RMDN2: variants seen among roughly 807,000 people sequenced by gnomAD.
RMDN2 encodes the protein regulator of microtubule dynamics protein 2.
RMDN2 carries 61 observed loss-of-function variants against 52.8 expected under a neutral mutation model. That is an observed-to-expected ratio of 1.16 (90% CI 0.94 to 1.43). RMDN2 has a LOEUF of 1.43. Ranked by LOEUF, RMDN2 falls within the 40% of genes most tolerant of loss-of-function variation. The probability of loss-of-function intolerance (pLI) is 0.00; values close to 1 mark genes in which losing one functional copy is unlikely to be tolerated. For synonymous variants in RMDN2, 180 were observed against 153.1 expected (o/e 1.18, Z -1.30); for missense variants, 592 against 475.3 (o/e 1.25, Z -2.28).
intron 10 of RMDN2, chr2:38,032,857 A>T (rs780943156): frequency 6.6e-6 from 1 of 152,226 alleles, no homozygotes; most frequent in African/African-American, 2.4e-5. Flanking sequence ...TAAAAAAAAA[A>T]ATCACATATA....
intron 10 of RMDN2, among the ~76,000 whole-genome samples, chr2:38,010,172 G>T (rs1677749399): frequency 6.6e-6 from 1 of 152,202 alleles, no homozygotes; most frequent in African/African-American, 2.4e-5. Context: ...ACCCACTTGA[G>T]GAGGCAGTCT....
Position 38,017,388 on chromosome 2 carries a change from C to G in RMDN2, c.*149C>G. The G allele has an allele frequency of 1.2e-5, 17 of 1,371,256 alleles. No individual in the cohort carries two copies. The highest frequency in any genetic ancestry group is 1.6e-5 in the Non-Finnish European group (17 of 1,051,926). The allele number at this position is 1,371,256 out of a possible 1,614,324, so 84.9% of individuals were successfully genotyped here. On this transcript the variant is annotated 3_prime_UTR_variant, in exon 11 of 11. Transcript: ENST00000354545. ...CCATGTTTCTGCAGAATGCATTCCA[C>G]TAGTAGCACTACAAAATTAATTATG...
chr2:37,939,237 T>C (rs1186807022), intron 2 of RMDN2, among the ~76,000 whole-genome samples: 1 of 152,246 alleles, frequency 6.6e-6, no homozygotes, highest in African/African-American at 2.4e-5. Flanking sequence ...AGTTCTAGTT[T>C]GATTCCACTG....
chr2:37,968,259 G>T (rs1019942487), intron 2 of RMDN2, among the ~76,000 whole-genome samples: 2 of 151,886 alleles, frequency 1.3e-5, no homozygotes, highest in African/African-American at 4.8e-5. Flanking sequence ...TGGCCAACAT[G>T]GTGAAACCTG....
At chr2:38,032,281 C>A (rs577111098) in intron 10 of RMDN2, among the ~76,000 whole-genome samples, 2 of 152,292 alleles carry the variant, frequency 1.3e-5, no homozygotes, top group Non-Finnish European at 2.9e-5. Context: ...CAGCCTCAGG[C>A]AACCACACAT....
chr2:38,050,370 C>A (rs568542295), intron 10 of RMDN2, among the ~76,000 whole-genome samples: 1 of 151,662 alleles, frequency 6.6e-6, no homozygotes, highest in Non-Finnish European at 1.5e-5. Flanking sequence ...AAAAAAAAAA[C>A]CTTCCCTGAC....
At chr2:37,993,071 C>A (rs796483945) in intron 7 of RMDN2, among the ~76,000 whole-genome samples, 1 of 152,082 alleles carries the variant, frequency 6.6e-6, no homozygotes, top group African/African-American at 2.4e-5. Flanking sequence ...TGTGCCACCA[C>A]GCTCGGGTAT....
chr2:37,998,562 A>G (rs750008131), intron 8 of RMDN2, among the ~76,000 whole-genome samples: 13 of 152,118 alleles, frequency 8.5e-5, no homozygotes, highest in Non-Finnish European at 1.5e-5. Flanking sequence ...ACATGCTAAT[A>G]TTTGTGCTGT....
downstream of RMDN2, among the ~76,000 whole-genome samples, chr2:38,018,889 C>T (rs531614464): frequency 6.6e-5 from 10 of 152,244 alleles, no homozygotes; most frequent in South Asian, 2.1e-4. Flanking sequence ...TGCACGCACA[C>T]GCACACACGC....
chr2:38,038,282 G>A (rs1173958679), intron 10 of RMDN2, among the ~76,000 whole-genome samples: 1 of 152,166 alleles, frequency 6.6e-6, no homozygotes, highest in Non-Finnish European at 1.5e-5. Flanking sequence ...ACGCGTTCAA[G>A]CGAGGGCGGA....
intron 10 of RMDN2, among the ~76,000 whole-genome samples, chr2:38,037,874 C>T (rs939842210): frequency 6.6e-5 from 10 of 152,304 alleles, no homozygotes; most frequent in Middle Eastern, 3.4e-3. Context: ...GTAGCTCACA[C>T]GGTGCCACAG....
At chr2:37,950,651 A>G in intron 2 of RMDN2, 1 of 1,571,106 alleles carries the variant, frequency 6.4e-7, no homozygotes. Flanking sequence ...AAATATTCAT[A>G]AACGAAGCTT....
intron 2 of RMDN2, among the ~76,000 whole-genome samples, chr2:37,956,554 T>C (rs1476645707): frequency 6.6e-6 from 1 of 152,074 alleles, no homozygotes; most frequent in East Asian, 1.9e-4. Flanking sequence ...TTAATCTCTC[T>C]TATTCCTCTC....
Position 38,004,319 on chromosome 2 carries a change from AT to A in RMDN2, c.1179+107del, listed in dbSNP as rs879209913. Reference sequence around the variant, plus strand: ...ATACATTTGTAGTTTTCTCTATTCAATTTTATGTATTTATTTTTATTCTACC... The same window carrying A: ...ATACATTTGTAGTTTTCTCTATTCAATTTATGTATTTATTTTTATTCTACC... On this transcript the variant is annotated intron_variant, in intron 10 of 10. Coordinates refer to ENST00000354545, the MANE Select transcript of RMDN2 (RefSeq NM_001170791.3). The A allele has an allele frequency of 2.6e-5, 19 of 735,720 alleles. No individual in the cohort carries two copies. The South Asian group carries it at 2.9e-4, about 11-fold the overall frequency. The allele number at this position is 735,720 out of a possible 1,614,324, so 45.6% of individuals were successfully genotyped here.
chr2:37,948,704 G>C (rs1287890303), intron 2 of RMDN2, among the ~76,000 whole-genome samples: 2 of 152,064 alleles, frequency 1.3e-5, no homozygotes, highest in Non-Finnish European at 2.9e-5. Context: ...TTCCTGTACT[G>C]GTATGAGATT....
intron 2 of RMDN2, among the ~76,000 whole-genome samples, chr2:37,932,026 A>G (rs1318670255): frequency 2.0e-5 from 3 of 152,176 alleles, no homozygotes; most frequent in Non-Finnish European, 4.4e-5. Flanking sequence ...TTTTTGAGAA[A>G]GGAATAAGAT....
At chr2:37,974,758 G>C (rs1274751510) in intron 3 of RMDN2, 1 of 158,562 alleles carries the variant, frequency 6.3e-6, no homozygotes, top group African/African-American at 2.4e-5. Context: ...TCTAAAACTT[G>C]ATAGCTCTCC....
Position 37,929,447 on chromosome 2 carries a change from A to G in RMDN2, c.170A>G (p.Glu57Gly). The change falls in exon 2 of 11, where the codon GAA becomes GGA. Residue 57 changes from glutamate (E) to glycine (G), a missense_variant. Coordinates refer to ENST00000354545, the MANE Select transcript of RMDN2 (RefSeq NM_001170791.3). The stretch of plus-strand genomic sequence containing the variant: ...TTTAATTCAATAACTTTGCAAGATG[A>G]AATACATGATGACCAAGGAACAACA... ...NTFNSITLQD[E>G]IHDDQGTTVI... 1.9e-6 allele frequency: 3 copies of G among 1,551,732 alleles called. No homozygotes were observed. Among genetic ancestry groups the G allele is most frequent in the East Asian group, 2.4e-5 (1 of 40,910 alleles).
At chr2:38,002,648 G>GT (rs530346727) in intron 8 of RMDN2, among the ~76,000 whole-genome samples, 470 of 152,204 alleles carry the variant, frequency 3.1e-3, no homozygotes, top group African/African-American at 0.011. Flanking sequence ...CCAAATATCT[G>GT]TTTTTTTATT....
Sources: allele counts gnomAD v4.1 joint callset (sites outside exome capture counted in the v4.1 genomes callset), GRCh38; gene constraint gnomAD v4.1.1; transcripts MANE v1.5; gene names NCBI Gene and HGNC (gene_info 2026-07-23, HGNC 2026-07-21).